The following ERC2 variants were observed in gnomAD, a reference collection of about 807,000 sequenced individuals.
ERC2 encodes the protein ELKS/RAB6-interacting/CAST family member 2.
A neutral mutation model predicts 114.8 loss-of-function variants in ERC2; 42 were observed. The ratio of observed to expected loss-of-function variants is 0.37; its 90% confidence interval spans 0.29 to 0.47. The LOEUF (loss-of-function observed/expected upper bound fraction) is 0.47, where lower values mean the gene tolerates loss of function less well. Among genes scored for constraint, ERC2 ranks in the 20% least tolerant of loss-of-function variants. ERC2 has a pLI of 0.99. For synonymous variants in ERC2, 454 were observed against 425.5 expected (o/e 1.07, Z -0.82); for missense variants, 939 against 1,150.7 (o/e 0.82, Z 2.66).
intron 2 of ERC2, among the ~76,000 whole-genome samples, chr3:56,322,637 C>G (rs141657893): frequency 6.6e-6 from 1 of 152,128 alleles, no homozygotes; most frequent in African/African-American, 2.4e-5. Context: ...AGATGTAGAA[C>G]GAGGTGAGCA....
At chr3:55,633,640 T>C (rs1290260970) in intron 17 of ERC2, among the ~76,000 whole-genome samples, 1 of 152,170 alleles carries the variant, frequency 6.6e-6, no homozygotes, top group Non-Finnish European at 1.5e-5. Flanking sequence ...CAGCAAATAC[T>C]TATAGAGTGC....
intron 14 of ERC2, among the ~76,000 whole-genome samples, chr3:55,798,161 G>A (rs997367382): frequency 2.0e-5 from 3 of 152,116 alleles, no homozygotes; most frequent in Non-Finnish European, 4.4e-5. Context: ...ATAGATATTT[G>A]CAAAGATAAT....
intron 14 of ERC2, among the ~76,000 whole-genome samples, chr3:55,779,327 C>CAAAAAAAAAAAAAAAAA (rs60185894): frequency 1.6e-5 from 1 of 62,470 alleles, no homozygotes; most frequent in Non-Finnish European, 3.5e-5. Flanking sequence ...ACTAAAAATA[C>CAAAAAAAAAAAAAAAAA]AAAAAAAAAA....
intron 2 of ERC2, among the ~76,000 whole-genome samples, chr3:56,361,670 A>T (rs2058962617): frequency 6.6e-6 from 1 of 152,276 alleles, no homozygotes; most frequent in Non-Finnish European, 1.5e-5. Flanking sequence ...AATACACCCA[A>T]GGACATCAGA....
At chr3:56,236,747 C>T (rs758638441) in intron 3 of ERC2, among the ~76,000 whole-genome samples, 2 of 152,138 alleles carry the variant, frequency 1.3e-5, no homozygotes, top group African/African-American at 4.8e-5. Flanking sequence ...CTAACATCTA[C>T]TAAGTGACAA....
intron 14 of ERC2, among the ~76,000 whole-genome samples, chr3:55,864,071 C>G (rs17056061): frequency 0.091 from 13,387 of 147,040 alleles, 692 homozygotes; most frequent in South Asian, 0.16. Context: ...ACTCAGTAGA[C>G]TGCAGAAGAC....
intron 14 of ERC2, among the ~76,000 whole-genome samples, chr3:55,886,207 A>G (rs1169335791): frequency 1.3e-5 from 2 of 152,202 alleles, no homozygotes; most frequent in Non-Finnish European, 2.9e-5. Flanking sequence ...ATGCACTAAT[A>G]CTAGTATTGG....
At chr3:56,380,309 T>C (rs1487422322) in intron 2 of ERC2, among the ~76,000 whole-genome samples, 7 of 151,870 alleles carry the variant, frequency 4.6e-5, no homozygotes, top group Admixed American at 4.6e-4. Context: ...AAATCCAAAT[T>C]TGTCTGATTC....
chr3:56,214,862 T>C (rs2049343160), intron 3 of ERC2, among the ~76,000 whole-genome samples: 1 of 152,190 alleles, frequency 6.6e-6, no homozygotes, highest in Admixed American at 6.5e-5. Flanking sequence ...GAAAGAATTT[T>C]CAACCCAGAA....
chr3:56,082,472 T>G (rs2149761686), intron 6 of ERC2, among the ~76,000 whole-genome samples: 1 of 152,146 alleles, frequency 6.6e-6, no homozygotes, highest in Admixed American at 6.5e-5. Context: ...TCTCGGTGCT[T>G]TGTTCTAGCA....
intron 17 of ERC2, among the ~76,000 whole-genome samples, chr3:55,605,445 T>C (rs2058601858): frequency 1.3e-5 from 2 of 152,250 alleles, no homozygotes; most frequent in Non-Finnish European, 2.9e-5. Context: ...TTGAATTTTA[T>C]GTAAAATACA....
chr3:56,450,157 T>C (rs17056824), intron 1 of ERC2, among the ~76,000 whole-genome samples: 5,601 of 152,324 alleles, frequency 0.037, 298 homozygotes, highest in African/African-American at 0.12. Context: ...TTTCCCATCA[T>C]TCTCCAAAAA....
chr3:55,967,490 T>C (rs900268102), intron 12 of ERC2, among the ~76,000 whole-genome samples: 2 of 152,204 alleles, frequency 1.3e-5, no homozygotes, highest in Non-Finnish European at 2.9e-5. Context: ...AAATCCTAAA[T>C]TATTTCTTGT....
chr3:56,213,582 T>C (rs1395505612), intron 3 of ERC2, among the ~76,000 whole-genome samples: 1 of 152,184 alleles, frequency 6.6e-6, no homozygotes, highest in African/African-American at 2.4e-5. Context: ...AGACTCTGCC[T>C]CTGGGGGCAG....
In ERC2 at chr3:55,992,234, T is replaced by A; in HGVS notation, c.2078A>T (p.Asp693Val). The change falls in exon 11 of 18, where the codon GAT becomes GTT. Residue 693 changes from aspartate to valine, a missense_variant. Coordinates refer to ENST00000288221, the MANE Select transcript of ERC2 (RefSeq NM_015576.3). The part of the protein sequence containing the change: ...AQLKKAHNIE[D>V]DSRMNPEFAD... ...AAACTCAGGGTTCATCCTGGAGTCATCTTCAATATTATGTGCCTTCAACAT... is the reference window on the plus strand; with the variant it reads ...AAACTCAGGGTTCATCCTGGAGTCAACTTCAATATTATGTGCCTTCAACAT... The A allele has an allele frequency of 6.2e-7, 1 of 1,613,384 alleles. No individual in the cohort carries two copies. The highest frequency in any genetic ancestry group is 8.5e-7 in the Non-Finnish European group (1 of 1,179,616).
At chr3:55,516,210 G>A (rs956105779) in intron 17 of ERC2, among the ~76,000 whole-genome samples, 1 of 150,816 alleles carries the variant, frequency 6.6e-6, no homozygotes, top group African/African-American at 2.4e-5. Context: ...AAGCCACTCT[G>A]CTCACAGGAA....
chr3:56,416,675 A>C (rs1175449804), intron 2 of ERC2, among the ~76,000 whole-genome samples: 2 of 151,520 alleles, frequency 1.3e-5, no homozygotes, highest in Non-Finnish European at 2.9e-5. Flanking sequence ...AAAAAAAAAA[A>C]AAAAAACTCC....
At chr3:55,536,632 C>G (rs1414204479) in intron 17 of ERC2, among the ~76,000 whole-genome samples, 3 of 152,188 alleles carry the variant, frequency 2.0e-5, no homozygotes. Flanking sequence ...AAAATTGAAA[C>G]TTATTTAAAG....
intron 10 of ERC2, among the ~76,000 whole-genome samples, chr3:56,005,470 G>A (rs1230370940): frequency 6.6e-6 from 1 of 151,994 alleles, no homozygotes; most frequent in Non-Finnish European, 1.5e-5. Flanking sequence ...TATTAAACTA[G>A]TCAAGTCATT....
Sources: allele counts gnomAD v4.1 joint callset (sites outside exome capture counted in the v4.1 genomes callset), GRCh38; gene constraint gnomAD v4.1.1; transcripts MANE v1.5; gene names NCBI Gene and HGNC (gene_info 2026-07-23, HGNC 2026-07-21).